Variants in TGIF1 observed in about 807,000 individuals in gnomAD.
TGIF1 encodes the protein homeobox protein TGIF1.
TGIF1 carries 4 observed loss-of-function variants against 19.3 expected under a neutral mutation model. The ratio of observed to expected loss-of-function variants is 0.21; its 90% CI spans 0.10 to 0.47. The LOEUF is 0.47. Among genes scored for constraint, TGIF1 ranks in the 20% least tolerant of loss-of-function variants. TGIF1 has a pLI of 0.98. For synonymous variants in TGIF1, 122 were observed against 129.3 expected (o/e 0.94, Z 0.38); for missense variants, 275 against 341.4 (o/e 0.81, Z 1.53).
chr18:3,445,269 A>C (rs925990372), upstream of TGIF1, among the ~76,000 whole-genome samples: 2 of 152,192 alleles, frequency 1.3e-5, no homozygotes, highest in Non-Finnish European at 2.9e-5. Flanking sequence ...CATCCCGGGC[A>C]GAGGGGACTT....
At chr18:3,454,495 C>CT (rs145268339) in intron 1 of TGIF1, among the ~76,000 whole-genome samples, 49,005 of 152,024 alleles carry the variant, frequency 0.32, 8,783 homozygotes, top group Non-Finnish European at 0.42. Context: ...TAACTTAACA[C>CT]TTTTTTTAAA....
At chr18:3,418,482 C>G (rs2082360515) in intron 2 of TGIF1, 2 of 152,184 alleles carry the variant, frequency 1.3e-5, no homozygotes, top group Admixed American at 6.5e-5. Context: ...GCATACCCAC[C>G]TGCATACTTG....
At chr18:3,437,655 G>C (rs1341309744) in intron 2 of TGIF1, among the ~76,000 whole-genome samples, 3 of 152,210 alleles carry the variant, frequency 2.0e-5, no homozygotes, top group Non-Finnish European at 4.4e-5. Flanking sequence ...ACACGGAAGG[G>C]CTTGTATTTC....
rs73939394 is a variant in TGIF1, at chr18:3,458,496, G to C, written c.*556G>C. On this transcript the variant is annotated 3_prime_UTR_variant, in exon 3 of 3. Transcript: ENST00000343820. ...TAGCACCCCAGTGAGCAGGAAGCTG[G>C]GGGGGTAGGGTGCAGTGTTAGGGGG... 3 of 162,646 alleles carry C rather than the reference G, an allele frequency of 1.8e-5. 1 individual carries two copies. The South Asian group carries it at 4.9e-4, about 27-fold the overall frequency. The allele number at this position is 162,646 out of a possible 1,614,324, so 10.1% of individuals were successfully genotyped here.
chr18:3,432,849 G>A (rs979143952), intron 2 of TGIF1, among the ~76,000 whole-genome samples: 10 of 151,056 alleles, frequency 6.6e-5, no homozygotes, highest in African/African-American at 2.2e-4. Context: ...AACCTCCGCC[G>A]CCTGGGTTCA....
In TGIF1 at chr18:3,457,017, G is replaced by A. The variant is rs2143412516; in HGVS notation, c.244-348G>A. On this transcript the variant is annotated intron_variant, in intron 2 of 2. Coordinates refer to ENST00000343820, the MANE Select transcript of TGIF1 (RefSeq NM_003244.4). This position sits in a 1 kb window ranked among gnomAD's most constrained non-coding sequence, Gnocchi z 4.9. ...CTGTAGTTGATTAACTTAAATGTTG[G>A]GGCAGTAGGTGATAGGTTAAAATGG... The A allele has an allele frequency of 1.8e-6, 1 of 552,710 alleles. No individual in the cohort carries two copies. Among genetic ancestry groups the A allele is most frequent in the East Asian group, 3.1e-5 (1 of 32,326 alleles). The allele number at this position is 552,710 out of a possible 1,614,324, so 34.2% of individuals were successfully genotyped here.
chr18:3,451,966 T>A lies in TGIF1; in HGVS notation c.16+1461T>A. The A allele has an allele frequency of 6.4e-7, 1 of 1,569,814 alleles. No individual in the cohort carries two copies. Among genetic ancestry groups the A allele is most frequent in the Non-Finnish European group, 8.7e-7 (1 of 1,155,830 alleles). On this transcript the variant is annotated intron_variant, in intron 1 of 2. Coordinates refer to ENST00000343820, the MANE Select transcript of TGIF1 (RefSeq NM_003244.4). This position sits in a 1 kb window ranked among gnomAD's most constrained non-coding sequence, Gnocchi z 5.4. The stretch of plus-strand genomic sequence containing the variant: ...GGCCTCCCGGGAATAAGTGAGGGGC[T>A]CTGTGTTTCGAGGATGGTTCTAGCG...
At chr18:3,455,696 G>A (rs994855384) in intron 1 of TGIF1, 2 of 154,810 alleles carry the variant, frequency 1.3e-5, no homozygotes, top group Non-Finnish European at 2.9e-5. Context: ...CCCATTTAAA[G>A]TAGGTGTCTA....
chr18:3,454,499 T>C (rs1463220965), intron 1 of TGIF1, among the ~76,000 whole-genome samples: 3 of 152,078 alleles, frequency 2.0e-5, no homozygotes, highest in African/African-American at 7.2e-5. Flanking sequence ...TTAACACTTT[T>C]TTTAAAAGTT....
Position 3,457,627 on chromosome 18 carries a change from G to A in TGIF1, c.506G>A (p.Arg169His), listed in dbSNP as rs768311015. Residue 169 changes from arginine (R) to histidine (H), a missense_variant, in exon 3 of 3, where the codon CGT becomes CAT. Transcript: ENST00000343820. This position sits in a 1 kb window ranked among gnomAD's most constrained non-coding sequence, Gnocchi z 4.9. ...TCATCCCCGGGATCAGTTTTGGCTC[G>A]TCCATCAGTGATCTGCCATACCACT... ...KPSSPGSVLA[R>H]PSVICHTTVT... The A allele has an allele frequency of 1.2e-6, 2 of 1,614,158 alleles. No individual in the cohort carries two copies. Among genetic ancestry groups the A allele is most frequent in the Non-Finnish European group, 1.7e-6 (2 of 1,180,034 alleles).
chr18:3,452,192 C>G (rs1057417541), intron 1 of TGIF1: 3 of 1,610,860 alleles, frequency 1.9e-6, no homozygotes, highest in Non-Finnish European at 2.5e-6. Context: ...TGGCGACCCC[C>G]TCTGCGCTCC....
Position 3,457,601 on chromosome 18 carries a change from G to A in TGIF1, c.480G>A (p.Pro160=), listed in dbSNP as rs778934876. 8.1e-6 allele frequency: 13 copies of A among 1,614,076 alleles called. No homozygotes were observed. The highest frequency in any genetic ancestry group is 1.6e-4 in the Middle Eastern group (1 of 6,084). Residue 160 remains proline (P), a synonymous_variant, in exon 3 of 3, where the codon CCG becomes CCA. Coordinates refer to ENST00000343820, the MANE Select transcript of TGIF1 (RefSeq NM_003244.4). This position sits in a 1 kb window ranked among gnomAD's most constrained non-coding sequence, Gnocchi z 4.9. ...TAGGGAGGCCACTGTCTCCTAAGCC[G>A]TCATCCCCGGGATCAGTTTTGGCTC... The part of the protein sequence containing the change: ...PTLGRPLSPK[P]SSPGSVLARP...
intron 1 of TGIF1, among the ~76,000 whole-genome samples, chr18:3,414,916 T>A (rs533629057): frequency 1.3e-5 from 2 of 152,310 alleles, no homozygotes; most frequent in East Asian, 3.9e-4. Flanking sequence ...AAAGACCCAA[T>A]GTCCAATGTC....
At chr18:3,440,408 TGGTCATCCAAATCCAAAGCCATTTG>T (rs1315655983) in intron 2 of TGIF1, among the ~76,000 whole-genome samples, 2 of 152,192 alleles carry the variant, frequency 1.3e-5, no homozygotes, top group Non-Finnish European at 2.9e-5. Flanking sequence ...TTTGCAGATT[TGGTCATCCAAATCCAAAGCCATTTG>T]GGTTGGTAAA....
chr18:3,445,780 A>AG (rs2082737648), upstream of TGIF1, among the ~76,000 whole-genome samples: 1 of 144,726 alleles, frequency 6.9e-6, no homozygotes, highest in Non-Finnish European at 1.5e-5. Context: ...AAAAAAAAAA[A>AG]AAAAAAAGCG....
Position 3,451,489 on chromosome 18 carries a change from G to A in TGIF1, c.16+984G>A. ...GGGCTGGAGGTGGCGTTTCTGTCGT[G>A]ATTTATGTGGAGTGGTTCAAAACAG... On this transcript the variant is annotated intron_variant, in intron 1 of 2. Coordinates refer to ENST00000343820, the MANE Select transcript of TGIF1 (RefSeq NM_003244.4). This position sits in a 1 kb window ranked among gnomAD's most constrained non-coding sequence, Gnocchi z 5.4. The A allele has an allele frequency of 1.0e-6, 1 of 988,970 alleles. No individual in the cohort carries two copies. The highest frequency in any genetic ancestry group is 1.2e-6 in the Non-Finnish European group (1 of 832,516). 61.3% of individuals were successfully genotyped at this position (988,970 alleles called of 1,614,324 possible).
Position 3,456,793 on chromosome 18 carries a change from A to G in TGIF1, c.243+213A>G. On this transcript the variant is annotated intron_variant, in intron 2 of 2. Transcript: ENST00000343820. This position sits in a 1 kb window ranked among gnomAD's most constrained non-coding sequence, Gnocchi z 4.2. Reference sequence around the variant, plus strand: ...CATCTATCAGATAGCATTTCCTTTAATGCCTAAAAGAACCTTCCTTTATGC... The same window carrying G: ...CATCTATCAGATAGCATTTCCTTTAGTGCCTAAAAGAACCTTCCTTTATGC... The G allele has an allele frequency of 1.5e-6, 1 of 667,272 alleles. No homozygotes were observed. Among genetic ancestry groups the G allele is most frequent in the Non-Finnish European group, 2.7e-6 (1 of 371,760 alleles). The allele number at this position is 667,272 out of a possible 1,614,324, so 41.3% of individuals were successfully genotyped here.
At chr18:3,453,979 G>A (rs2083081803) in intron 1 of TGIF1, 1 of 324,368 alleles carries the variant, frequency 3.1e-6, no homozygotes, top group African/African-American at 2.2e-5. Context: ...CCACAACTAG[G>A]AGGGAGAGTT....
upstream of TGIF1, chr18:3,447,894 G>C: frequency 6.5e-7 from 1 of 1,544,934 alleles, no homozygotes; most frequent in South Asian, 1.1e-5. Context: ...TTGTTTTCAA[G>C]CTATAAACCC....
Sources: gnomAD v4.1 joint callset for allele counts (sites outside exome capture counted in the v4.1 genomes callset) on GRCh38, gnomAD v4.1.1 for gene constraint, Gnocchi (gnomAD v3.1) non-coding constraint, MANE v1.5 for transcripts, NCBI Gene and HGNC (gene_info 2026-07-23, HGNC 2026-07-21) for gene names.